The following DNAH9 variants were observed in gnomAD, a reference collection of about 807,000 sequenced individuals.
DNAH9 encodes the protein dynein axonemal heavy chain 9.
A neutral mutation model predicts 471.6 loss-of-function variants in DNAH9; 345 were observed. That is an observed-to-expected ratio of 0.73 (90% CI 0.67 to 0.80). DNAH9 has a LOEUF of 0.80. Among genes scored for constraint, DNAH9 ranks in the 30% least tolerant of loss-of-function variants. The probability of loss-of-function intolerance (pLI) is 0.00; values close to 1 mark genes in which losing one functional copy is unlikely to be tolerated. For missense variants in DNAH9, 5,407 were observed against 5,609.2 expected, an observed-to-expected ratio of 0.96 and a Z score of 1.15; for synonymous variants, 2,093 against 2,123.6, an observed-to-expected ratio of 0.99 and a Z score of 0.40.
intron 38 of DNAH9, among the ~76,000 whole-genome samples, chr17:11,780,041 A>G (rs1331274060): frequency 6.6e-6 from 1 of 152,242 alleles, no homozygotes; most frequent in Non-Finnish European, 1.5e-5. Flanking sequence ...CTTGCAATTC[A>G]TAAATATTTC....
At chr17:11,762,096 C>T (rs1277689080) in intron 35 of DNAH9, among the ~76,000 whole-genome samples, 2 of 152,162 alleles carry the variant, frequency 1.3e-5, no homozygotes, top group South Asian at 2.1e-4. Flanking sequence ...TCAGTCTTCT[C>T]GTCACTCATG....
intron 7 of DNAH9, among the ~76,000 whole-genome samples, chr17:11,631,000 C>T (rs1341735989): frequency 6.6e-6 from 1 of 152,184 alleles, no homozygotes; most frequent in Non-Finnish European, 1.5e-5. Context: ...AGAACAGGCA[C>T]ACCTGGACAG....
intron 6 of DNAH9, 99 bp downstream of exon 6, chr17:11,619,880 A>C (rs2072819238): frequency 2.9e-6 from 2 of 700,242 alleles, no homozygotes; most frequent in Non-Finnish European, 5.1e-6. Flanking sequence ...ACAACCTCAT[A>C]GCCAACCCTC....
At chr17:11,619,131 G>A (rs1237426216) in intron 5 of DNAH9, among the ~76,000 whole-genome samples, 8 of 152,208 alleles carry the variant, frequency 5.3e-5, no homozygotes, top group South Asian at 2.1e-4. Flanking sequence ...GGTGGCTGTC[G>A]CTACAGCTCC....
rs1409715354 is a variant in DNAH9 at position 11,699,847 on chromosome 17, TG to T, written c.4990del (p.Val1664TrpfsTer13). The T allele has an allele frequency of 1.9e-6, 3 of 1,614,176 alleles. No individual in the cohort carries two copies. The South Asian group carries it at 3.3e-5, about 18-fold the overall frequency. ...GCATGTACAGCAAAGAAGAGGAGTA[TG>T]TGGCTTTCAGTGAGCCCTGTGACTG... is the stretch of plus-strand genomic sequence containing the variant. ...LGMYSKEEEY[V>X]AFSEPCDCSG... On this transcript the variant is annotated frameshift_variant, in exon 23 of 69. Transcript: ENST00000262442. LOFTEE classifies it high-confidence loss of function.
At chr17:11,760,431 T>C (rs978263265) in intron 35 of DNAH9, among the ~76,000 whole-genome samples, 1 of 152,220 alleles carries the variant, frequency 6.6e-6, no homozygotes, top group Admixed American at 6.5e-5. Flanking sequence ...ATTCTGACTG[T>C]ATTAAGTCTA....
chr17:11,908,040 T>A (rs1057188720), intron 61 of DNAH9, among the ~76,000 whole-genome samples: 2 of 152,182 alleles, frequency 1.3e-5, no homozygotes, highest in African/African-American at 4.8e-5. Context: ...CACTGAAGCA[T>A]CACAGGGCCA....
intron 36 of DNAH9, among the ~76,000 whole-genome samples, chr17:11,767,599 CT>C (rs916869358): frequency 2.6e-5 from 4 of 151,438 alleles, no homozygotes; most frequent in South Asian, 2.1e-4. Context: ...CAATATGGGA[CT>C]TTTTTTTTCC....
intron 67 of DNAH9, among the ~76,000 whole-genome samples, chr17:11,946,211 A>G (rs1347438521): frequency 6.6e-6 from 1 of 150,420 alleles, no homozygotes; most frequent in African/African-American, 2.5e-5. Context: ...AAAAAAAAAA[A>G]AAAAAAAAAA....
intron 25 of DNAH9, among the ~76,000 whole-genome samples, 171 bp downstream of exon 25, chr17:11,704,613 C>T (rs1044569412): frequency 1.3e-4 from 18 of 138,776 alleles, no homozygotes; most frequent in African/African-American, 4.3e-4. Context: ...GATTGAGTTT[C>T]GCTCTTATTG....
chr17:11,750,583 T>C (rs1438541903), intron 32 of DNAH9, among the ~76,000 whole-genome samples: 1 of 152,152 alleles, frequency 6.6e-6, no homozygotes, highest in African/African-American at 2.4e-5. Context: ...GGTCACATTC[T>C]CTGATAATAA....
At chr17:11,876,332 A>G (rs1972480028) in intron 53 of DNAH9, among the ~76,000 whole-genome samples, 1 of 152,232 alleles carries the variant, frequency 6.6e-6, no homozygotes, top group Admixed American at 6.5e-5. Context: ...CCCATTTTCC[A>G]TAACGTGATT....
chr17:11,743,256 C>A (rs1167673649), intron 30 of DNAH9, among the ~76,000 whole-genome samples: 1 of 152,248 alleles, frequency 6.6e-6, no homozygotes, highest in African/African-American at 2.4e-5. Context: ...TTCCTTAGCC[C>A]TATATATAAT....
At chr17:11,841,745 T>G (rs1160358968) in intron 49 of DNAH9, among the ~76,000 whole-genome samples, 7 of 152,122 alleles carry the variant, frequency 4.6e-5, no homozygotes, top group Admixed American at 3.9e-4. Context: ...AGTATGTAGC[T>G]TTTTTATCTT....
intron 50 of DNAH9, among the ~76,000 whole-genome samples, chr17:11,860,546 G>GTGTTT (rs1396358754): frequency 6.6e-6 from 1 of 151,784 alleles, no homozygotes; most frequent in Non-Finnish European, 1.5e-5. Flanking sequence ...TTGTTGCTTT[G>GTGTTT]TGTTTTGTTT....
chr17:11,755,416 A>G (rs1348388403), intron 33 of DNAH9, among the ~76,000 whole-genome samples: 1 of 152,158 alleles, frequency 6.6e-6, no homozygotes. Context: ...TTTGGGCAGT[A>G]TGGTCATTTA....
At chr17:11,660,954 A>G (rs755690796) in intron 14 of DNAH9, among the ~76,000 whole-genome samples, 1 of 152,164 alleles carries the variant, frequency 6.6e-6, no homozygotes, top group Non-Finnish European at 1.5e-5. Flanking sequence ...TCTATCAATT[A>G]TTGAAGGTAG....
intron 20 of DNAH9, among the ~76,000 whole-genome samples, chr17:11,690,905 A>G (rs761595660): frequency 2.6e-5 from 4 of 152,250 alleles, no homozygotes; most frequent in Middle Eastern, 3.4e-3. Context: ...TCAGCTAAAC[A>G]CCAAACAATG....
At chr17:11,713,495 T>A (rs1424903485) in intron 26 of DNAH9, among the ~76,000 whole-genome samples, 1 of 152,168 alleles carries the variant, frequency 6.6e-6, no homozygotes, top group East Asian at 1.9e-4. Flanking sequence ...TCCACAATGT[T>A]TGAGCTAATT....
Sources: gnomAD v4.1 joint callset for allele counts (sites outside exome capture counted in the v4.1 genomes callset) on GRCh38, gnomAD v4.1.1 for gene constraint, MANE v1.5 for transcripts, NCBI Gene and HGNC (gene_info 2026-07-23, HGNC 2026-07-21) for gene names.